The following TSPOAP1 variants were observed in gnomAD, a reference collection of about 807,000 sequenced individuals.
The protein encoded by TSPOAP1 is peripheral-type benzodiazepine receptor-associated protein 1.
In TSPOAP1, 87 loss-of-function variants were observed where a neutral mutation model predicts 197.0. The ratio of observed to expected loss-of-function variants is 0.44; its 90% CI spans 0.37 to 0.53. The LOEUF is 0.53. Among genes scored for constraint, TSPOAP1 ranks in the 20% least tolerant of loss-of-function variants. The probability of loss-of-function intolerance (pLI) is 0.00; values close to 1 mark genes in which losing one functional copy is unlikely to be tolerated. For synonymous variants in TSPOAP1, 913 were observed against 998.9 expected, an observed-to-expected ratio of 0.91 and a Z score of 1.62; for missense variants, 2,174 against 2,411.3, an observed-to-expected ratio of 0.90 and a Z score of 2.06.
At position 58,328,460 on chromosome 17, in the gene TSPOAP1, A is replaced by C. The variant is rs1280698280; in HGVS notation, c.-540T>G. The C allele has an allele frequency of 6.2e-6, 1 of 161,534 alleles. No individual in the cohort carries two copies. The highest frequency in any genetic ancestry group is 2.4e-5 in the African/African-American group (1 of 41,460). 10.0% of individuals were successfully genotyped at this position (161,534 alleles called of 1,614,324 possible). ...GTCCCTGGTTGTATCTGAGTGTGTC[A>C]GTGTCGTGCAGCTGTGTGCATCGGT... On this transcript the variant is annotated 5_prime_UTR_variant, in exon 1 of 32. It removes the in-frame stop codon of an upstream open reading frame in the 5' UTR. Coordinates refer to ENST00000343736, the MANE Select transcript of TSPOAP1 (RefSeq NM_004758.4). This position sits in a 1 kb window ranked among gnomAD's most constrained non-coding sequence, Gnocchi z 4.3.
chr17:58,305,937 C>T, intron 26 of TSPOAP1, 72 bp from the exon 27 acceptor site: 2 of 1,551,602 alleles, frequency 1.3e-6, no homozygotes, highest in Non-Finnish European at 1.8e-6. Flanking sequence ...CAGCGCAGGC[C>T]AGACACTCGC....
chr17:58,304,902 G>C lies in TSPOAP1; in HGVS notation c.5544+159C>G. On this transcript the variant is annotated intron_variant, in intron 30 of 31. Coordinates refer to ENST00000343736, the MANE Select transcript of TSPOAP1 (RefSeq NM_004758.4). The surrounding 1 kb of genome is among the most constrained non-coding windows in gnomAD (Gnocchi z 4.2). ...ATACTGGGGGGCAGCTGCTTGGTGGGGCTCCCCTCTGGTGGTCAATTAGCG... is the reference window on the plus strand; with the variant it reads ...ATACTGGGGGGCAGCTGCTTGGTGGCGCTCCCCTCTGGTGGTCAATTAGCG... 1 of 708,054 alleles carries C rather than the reference G, an allele frequency of 1.4e-6. No individual in the cohort carries two copies. Among genetic ancestry groups the C allele is most frequent in the Non-Finnish European group, 2.6e-6 (1 of 386,980 alleles). 43.9% of individuals were successfully genotyped at this position (708,054 alleles called of 1,614,324 possible).
At position 58,302,376 on chromosome 17, in the gene TSPOAP1, G is replaced by T. The variant is rs577332751; in HGVS notation, c.*104C>A. 3.8e-5 allele frequency: 49 copies of T among 1,288,700 alleles called. No homozygotes were observed. The East Asian group carries it at 3.9e-4, about 10-fold the overall frequency. 79.8% of individuals were successfully genotyped at this position (1,288,700 alleles called of 1,614,324 possible). On this transcript the variant is annotated 3_prime_UTR_variant, in exon 32 of 32. Coordinates refer to ENST00000343736, the MANE Select transcript of TSPOAP1 (RefSeq NM_004758.4). ...GGGGCTCCCCACGTTCAATCCTGGG[G>T]GCGCTGCCAGAGCTGGGGGTACAAG...
chr17:58,314,740 C>T lies in TSPOAP1; in HGVS notation c.2098+1283G>A, dbSNP rs144616769. Among the ~76,000 whole-genome samples, 604 of 152,370 alleles carry T rather than the reference C, an allele frequency of 4.0e-3. 1 individual carries two copies. Among genetic ancestry groups the T allele is most frequent in the African/African-American group, 0.014 (590 of 41,590 alleles). On this transcript the variant is annotated intron_variant, in intron 16 of 31. Coordinates refer to ENST00000343736, the MANE Select transcript of TSPOAP1 (RefSeq NM_004758.4). ...TAGGAAACGATCATAAGCACCAGCA[C>T]TGTGGAGTGGGAGACAAAGGCAGGA... is the stretch of plus-strand genomic sequence containing the variant.
In TSPOAP1 at chr17:58,310,723, G is replaced by A. The variant is rs1251506463; in HGVS notation, c.3488C>T (p.Thr1163Ile). 1.9e-6 allele frequency: 3 copies of A among 1,613,000 alleles called. No individual in the cohort carries two copies. Among genetic ancestry groups the A allele is most frequent in the Non-Finnish European group, 2.5e-6 (3 of 1,180,012 alleles). Reference protein sequence around the residue: ...QEEAGAAVLGTSEERTASTST... With the variant: ...QEEAGAAVLGISEERTASTST... ...TGTGCTGGCTGTCCTCTCCTCTGAGGTGCCCAGCACTGCTGCCCCAGCCTC... is the reference window on the plus strand; with the variant it reads ...TGTGCTGGCTGTCCTCTCCTCTGAGATGCCCAGCACTGCTGCCCCAGCCTC... Residue 1163 changes from threonine to isoleucine, a missense_variant, in exon 20 of 32, where the codon ACC becomes ATC. By Grantham distance (89) the Thr-to-Ile change is moderately conservative. This residue lies in a region of TSPOAP1 where 1,933 missense variants were observed against 2,139.0 expected (regional missense o/e 0.90). Transcript: ENST00000343736.
Position 58,310,911 on chromosome 17 carries a change from T to C in TSPOAP1, c.3384A>G (p.Pro1128=). The C allele has an allele frequency of 2.6e-6, 4 of 1,549,478 alleles. No individual in the cohort carries two copies. Among genetic ancestry groups the C allele is most frequent in the Non-Finnish European group, 2.6e-6 (3 of 1,153,186 alleles). Residue 1128 remains proline, a synonymous_variant, in exon 19 of 32, where the codon CCA becomes CCG. Coordinates refer to ENST00000343736, the MANE Select transcript of TSPOAP1 (RefSeq NM_004758.4). ...HPAPLGTQEP[P]GAPPASPSRE... is the part of the protein sequence containing the mutation. ...TGGAAGGGCTTGCAGGGGGTGCTCCTGGAGGCTCTTGAGTTCCAAGGGGAG... is the reference window on the plus strand; with the variant it reads ...TGGAAGGGCTTGCAGGGGGTGCTCCCGGAGGCTCTTGAGTTCCAAGGGGAG...
Position 58,304,086 on chromosome 17 carries a change from G to A in TSPOAP1, c.*32+252C>T. 2.1e-6 allele frequency: 1 copy of A among 486,012 alleles called. No individual in the cohort carries two copies. Among genetic ancestry groups the A allele is most frequent in the Middle Eastern group, 5.5e-4 (1 of 1,816 alleles). The allele number at this position is 486,012 out of a possible 1,614,324, so 30.1% of individuals were successfully genotyped here. On this transcript the variant is annotated intron_variant, in intron 31 of 31. Transcript: ENST00000343736. The surrounding 1 kb of genome is among the most constrained non-coding windows in gnomAD (Gnocchi z 4.2). The stretch of plus-strand genomic sequence containing the variant: ...GAATAGGAAGCATCAGCTAATATGG[G>A]ACATCACACACTAAGATGACATGTA...
At chr17:58,311,387 C>T in intron 18 of TSPOAP1, 174 bp from the exon 19 acceptor site, 1 of 1,240,512 alleles carries the variant, frequency 8.1e-7, no homozygotes. Context: ...CATATGGCTT[C>T]AGTGATGGAA....
chr17:58,326,569 T>A lies in TSPOAP1; in HGVS notation c.441+114A>T. On this transcript the variant is annotated intron_variant, in intron 2 of 31. Coordinates refer to ENST00000343736, the MANE Select transcript of TSPOAP1 (RefSeq NM_004758.4). This position sits in a 1 kb window ranked among gnomAD's most constrained non-coding sequence, Gnocchi z 4.7. The stretch of plus-strand genomic sequence containing the variant: ...GGTTCACCCTCTCTGGGTCTCAGGA[T>A]TTTGTCACCTCCATTGAGCCCCCAC... 6.5e-7 allele frequency: 1 copy of A among 1,528,708 alleles called. No homozygotes were observed. Among genetic ancestry groups the A allele is most frequent in the Non-Finnish European group, 8.9e-7 (1 of 1,120,300 alleles). 94.7% of individuals were successfully genotyped at this position (1,528,708 alleles called of 1,614,324 possible).
Position 58,310,732 on chromosome 17 carries a change from A to C in TSPOAP1, c.3479T>G (p.Val1160Gly), listed in dbSNP as rs1462159505. 6.2e-7 allele frequency: 1 copy of C among 1,612,570 alleles called. No homozygotes were observed. The highest frequency in any genetic ancestry group is 1.3e-5 in the African/African-American group (1 of 75,048). The change falls in exon 20 of 32, where the codon GTG becomes GGG. Residue 1160 changes from valine to glycine, a missense_variant. Val to Gly is a moderately radical substitution (Grantham distance 109, BLOSUM62 -3). Around this residue, in one of 5 missense-constraint regions of TSPOAP1, gnomAD observed 1,933 missense variants for 2,139.0 expected, o/e 0.90. Coordinates refer to ENST00000343736, the MANE Select transcript of TSPOAP1 (RefSeq NM_004758.4). ...TGTCCTCTCCTCTGAGGTGCCCAGC[A>C]CTGCTGCCCCAGCCTCCTCCTGGAA... The part of the protein sequence containing the change: ...PCSQEEAGAA[V>G]LGTSEERTAS...
intron 14 of TSPOAP1, among the ~76,000 whole-genome samples, chr17:58,316,960 G>A (rs866657552): frequency 6.6e-6 from 1 of 152,236 alleles, no homozygotes; most frequent in African/African-American, 2.4e-5. Flanking sequence ...ACTTTGAGAG[G>A]CTGAGGAGGG....
rs779417524 is a variant in TSPOAP1 at position 58,318,440 on chromosome 17, G to A, written c.1712C>T (p.Pro571Leu). The change falls in exon 14 of 32, where the codon CCG (proline) becomes CTG (leucine). Residue 571 changes from proline to leucine, a missense_variant. By Grantham distance (98) the Pro-to-Leu change is moderately conservative. This residue lies in a region of TSPOAP1 where 1,933 missense variants were observed against 2,139.0 expected (regional missense o/e 0.90). Coordinates refer to ENST00000343736, the MANE Select transcript of TSPOAP1 (RefSeq NM_004758.4). ...GGTGCAGCGCCCAGGGGAGCCCGGC[G>A]GGAGGTCAAGGTCTAAAGAGAAGAT... ...RGSGPKDLDLPPGSPGRCTPK... is the reference protein window; with the variant it reads ...RGSGPKDLDLLPGSPGRCTPK... The A allele has an allele frequency of 1.9e-5, 30 of 1,612,738 alleles. No homozygotes were observed. The highest frequency in any genetic ancestry group is 3.3e-5 in the South Asian group (3 of 90,972).
Position 58,312,509 on chromosome 17 carries a change from T to A in TSPOAP1, c.2312A>T (p.Asp771Val), listed in dbSNP as rs1971105823. 5 of 1,600,374 alleles carry A rather than the reference T, an allele frequency of 3.1e-6. No individual in the cohort carries two copies. Among genetic ancestry groups the A allele is most frequent in the African/African-American group, 1.3e-5 (1 of 74,654 alleles). ...GRSQPRPEEEDAGDELSLSPS... is the reference protein window; with the variant it reads ...GRSQPRPEEEVAGDELSLSPS... ...GCTCAGACTGAGCTCGTCCCCTGCATCCTCCTCCTCAGGTCTGGGCTGGCT... is the reference window on the plus strand; with the variant it reads ...GCTCAGACTGAGCTCGTCCCCTGCAACCTCCTCCTCAGGTCTGGGCTGGCT... The change falls in exon 17 of 32, where the codon GAT becomes GTT. Residue 771 changes from aspartate to valine, a missense_variant. By Grantham distance (152) the Asp-to-Val change is radical. Transcript: ENST00000343736.
At chr17:58,317,543 C>A (rs1971277468) in intron 14 of TSPOAP1, among the ~76,000 whole-genome samples, 1 of 152,238 alleles carries the variant, frequency 6.6e-6, no homozygotes. Flanking sequence ...ACATCCAAAG[C>A]TGGCACCATC....
At chr17:58,308,420 C>A in intron 22 of TSPOAP1, 121 bp downstream of exon 22, 1 of 1,424,624 alleles carries the variant, frequency 7.0e-7, no homozygotes, top group East Asian at 2.4e-5. Context: ...AGCCCGGAGG[C>A]CCGGCCCCAC....
In TSPOAP1 at chr17:58,312,568, G is replaced by T; in HGVS notation, c.2253C>A (p.Gly751=). 6.2e-7 allele frequency: 1 copy of T among 1,611,516 alleles called. No homozygotes were observed. The highest frequency in any genetic ancestry group is 1.3e-5 in the African/African-American group (1 of 74,984). ...ELSFLSVGGG[G]SSSGGQSSVG... is the part of the protein sequence containing the mutation. ...CACTGCTTTGGCCCCCGCTACTGCT[G>T]CCACCCCCACCTACACTCAGGAAAC... Residue 751 remains glycine, a synonymous_variant, in exon 17 of 32, where the codon GGC becomes GGA. Coordinates refer to ENST00000343736, the MANE Select transcript of TSPOAP1 (RefSeq NM_004758.4).
intron 18 of TSPOAP1, 122 bp downstream of exon 18, chr17:58,311,449 G>T: frequency 7.2e-7 from 1 of 1,396,780 alleles, no homozygotes. Context: ...TAACCCATCT[G>T]CCTCATGGTA....
At chr17:58,307,509 T>G (rs536670104) in intron 24 of TSPOAP1, 102 bp downstream of exon 24, 2 of 1,443,340 alleles carry the variant, frequency 1.4e-6, no homozygotes, top group Admixed American at 4.0e-5. Flanking sequence ...AGAAGCCATG[T>G]TCTCCACCAT....
chr17:58,305,981 G>A lies in TSPOAP1; in HGVS notation c.5225-116C>T, dbSNP rs528347679. On this transcript the variant is annotated intron_variant, in intron 26 of 31. Coordinates refer to ENST00000343736, the MANE Select transcript of TSPOAP1 (RefSeq NM_004758.4). ...AAGGAGGCAGGCAAGGAAGGCTGCCGAGGGCGCATCTCCCCAACCCTTTTG... is the reference window on the plus strand; with the variant it reads ...AAGGAGGCAGGCAAGGAAGGCTGCCAAGGGCGCATCTCCCCAACCCTTTTG... The A allele has an allele frequency of 9.2e-5, 108 of 1,173,692 alleles. No homozygotes were observed. The African/African-American group carries it at 1.3e-3, about 14-fold the overall frequency. 72.7% of individuals were successfully genotyped at this position (1,173,692 alleles called of 1,614,324 possible).
Sources: gnomAD v4.1 joint callset for allele counts (sites outside exome capture counted in the v4.1 genomes callset) on GRCh38, gnomAD v4.1.1 for gene constraint, gnomAD v4.1.1 regional missense constraint, Gnocchi (gnomAD v3.1) non-coding constraint, MANE v1.5 for transcripts, NCBI Gene and HGNC (gene_info 2026-07-23, HGNC 2026-07-21) for gene names.